SCN2A: variants seen among roughly 807,000 people sequenced by gnomAD.
The protein encoded by SCN2A is sodium voltage-gated channel alpha subunit 2.
SCN2A carries 20 observed loss-of-function variants against 188.7 expected under a neutral mutation model. That is an observed-to-expected ratio of 0.11 (90% CI 0.07 to 0.15). SCN2A has a LOEUF of 0.15. Ranked by LOEUF, SCN2A falls within the 10% of genes least tolerant of loss-of-function variation. The pLI, the probability that SCN2A is intolerant of heterozygous loss-of-function variation, is 1.00. For synonymous variants in SCN2A, 804 were observed against 833.1 expected, an observed-to-expected ratio of 0.97 and a Z score of 0.60; for missense variants, 1,278 against 2,445.0, an observed-to-expected ratio of 0.52 and a Z score of 10.07.
chr2:165,346,579 T>C (rs1186142116), intron 16 of SCN2A, among the ~76,000 whole-genome samples: 1 of 152,210 alleles, frequency 6.6e-6, no homozygotes, highest in South Asian at 2.1e-4. Context: ...CCAAAAGCAA[T>C]GGTAACAAAA....
chr2:165,293,720 A>G (rs1325358757), intron 1 of SCN2A: 3 of 451,460 alleles, frequency 6.6e-6, no homozygotes, highest in South Asian at 9.4e-5. Flanking sequence ...AATAAAAAGC[A>G]TGAGGAGAAG....
Position 165,391,043 on chromosome 2 carries a change from T to G in SCN2A, c.*1219T>G, listed in dbSNP as rs1702103385. On this transcript the variant is annotated 3_prime_UTR_variant, in exon 27 of 27. Coordinates refer to ENST00000375437, the MANE Select transcript of SCN2A (RefSeq NM_001040142.2). ...TAGTTTGCAAGCTTTCAACAGGTAA[T>G]ATGATGTAATTGGTTCCATTATAGT... 6.6e-6 allele frequency: 1 copy of G among 152,594 alleles called. No individual in the cohort carries two copies. The highest frequency in any genetic ancestry group is 2.4e-5 in the African/African-American group (1 of 41,464). 9.5% of individuals were successfully genotyped at this position (152,594 alleles called of 1,614,324 possible). A position where few individuals can be genotyped will look rare whatever the true frequency, so the allele number is the denominator to read the frequency against.
At chr2:165,347,064 C>T (rs1699628614) in intron 16 of SCN2A, among the ~76,000 whole-genome samples, 1 of 152,146 alleles carries the variant, frequency 6.6e-6, no homozygotes, top group Non-Finnish European at 1.5e-5. Flanking sequence ...ACCAGAAATA[C>T]CATTTGACCC....
chr2:165,277,259 CAT>C (rs1695390166), intron 1 of SCN2A, among the ~76,000 whole-genome samples: 1 of 152,024 alleles, frequency 6.6e-6, no homozygotes, highest in Admixed American at 6.6e-5. Context: ...TAAAAATACT[CAT>C]ATTTTTATGC....
intron 17 of SCN2A, among the ~76,000 whole-genome samples, chr2:165,355,769 TG>T (rs1434535017): frequency 6.6e-6 from 1 of 151,970 alleles, no homozygotes; most frequent in Non-Finnish European, 1.5e-5. Context: ...AGAACAAAGA[TG>T]GGTGGATCAC....
At chr2:165,279,632 C>T (rs569415641) in intron 1 of SCN2A, among the ~76,000 whole-genome samples, 1 of 151,910 alleles carries the variant, frequency 6.6e-6, no homozygotes, top group South Asian at 2.1e-4. Context: ...TTTAGAGTAA[C>T]CCAGTTAATT....
At position 165,323,212 on chromosome 2, in the gene SCN2A, C is replaced by G. The variant is rs1382196994; in HGVS notation, c.1728C>G (p.Ser576Arg). 1 of 1,614,074 alleles carries G rather than the reference C, an allele frequency of 6.2e-7. No individual in the cohort carries two copies. Among genetic ancestry groups the G allele is most frequent in the Non-Finnish European group, 8.5e-7 (1 of 1,180,048 alleles). Residue 576 changes from serine (S) to arginine (R), a missense_variant, in exon 12 of 27, where the codon AGC (serine) becomes AGG (arginine). Physicochemically the swap from Ser to Arg is moderately radical, Grantham distance 110. Transcript: ENST00000375437. ...CTCCAAGACGCAACAGTAGGGCGAG[C>G]CTTTTCAGCTTCAGAGGTCGAGCAA... ...LFSPRRNSRASLFSFRGRAKD... is the reference protein window; with the variant it reads ...LFSPRRNSRARLFSFRGRAKD...
intron 14 of SCN2A, among the ~76,000 whole-genome samples, chr2:165,339,922 G>T (rs1699217311): frequency 6.6e-6 from 1 of 152,130 alleles, no homozygotes; most frequent in African/African-American, 2.4e-5. Context: ...TACTAATCAA[G>T]AATCTACAGT....
rs1280608624 is a variant in SCN2A, at chr2:165,323,344, G to T, written c.1860G>T (p.Arg620=). ...TCGTGCCGCACAGACATGGAGAACG[G>T]CGCCACAGCAATGTCAGCCAGGCCA... ...SLFVPHRHGE[R]RHSNVSQASR... Residue 620 remains arginine, a synonymous_variant, in exon 12 of 27, where the codon CGG becomes CGT. Transcript: ENST00000375437. 1 of 1,614,034 alleles carries T rather than the reference G, an allele frequency of 6.2e-7. No individual in the cohort carries two copies. Among genetic ancestry groups the T allele is most frequent in the East Asian group, 2.2e-5 (1 of 44,878 alleles).
chr2:165,316,124 G>T (rs1431488818), intron 11 of SCN2A, among the ~76,000 whole-genome samples: 1 of 152,154 alleles, frequency 6.6e-6, no homozygotes, highest in Non-Finnish European at 1.5e-5. Flanking sequence ...CAAATTCCCA[G>T]AAGTGGACCA....
intron 1 of SCN2A, among the ~76,000 whole-genome samples, chr2:165,265,469 A>ATCTCTCTCTCTCTCTCTCTCTCTC (rs754966737): frequency 3.1e-5 from 2 of 65,268 alleles, no homozygotes; most frequent in African/African-American, 6.4e-5. Flanking sequence ...TACTCTGTTG[A>ATCTCTCTCTCTCTCTCTCTCTCTC]TCTATATATA....
chr2:165,243,706 C>A (rs996077521), intron 1 of SCN2A: 4 of 151,876 alleles, frequency 2.6e-5, no homozygotes, highest in African/African-American at 9.7e-5. Context: ...TTTCTTCTGG[C>A]AGTTACAGAA....
chr2:165,286,435 G>A (rs940871166), intron 1 of SCN2A, among the ~76,000 whole-genome samples: 5 of 152,180 alleles, frequency 3.3e-5, no homozygotes. Flanking sequence ...AGAGAATTTT[G>A]TAATAAGTTA....
intron 17 of SCN2A, among the ~76,000 whole-genome samples, chr2:165,364,860 T>G (rs1700641758): frequency 6.6e-6 from 1 of 152,200 alleles, no homozygotes; most frequent in African/African-American, 2.4e-5. Context: ...GCAGCTTACA[T>G]AAGCTTTCTG....
At chr2:165,309,483 A>T in intron 6 of SCN2A, 40 bp downstream of exon 6, 1 of 1,610,206 alleles carries the variant, frequency 6.2e-7, no homozygotes, top group Non-Finnish European at 8.5e-7. Flanking sequence ...CTTTAGCTAC[A>T]GTGGTGCTAC....
intron 3 of SCN2A, among the ~76,000 whole-genome samples, chr2:165,303,621 C>T (rs1696961954): frequency 1.3e-5 from 2 of 152,144 alleles, no homozygotes; most frequent in South Asian, 4.2e-4. Context: ...CAGTCACTCA[C>T]CAGAATCCAG....
At chr2:165,251,628 CT>C (rs1411285053) in intron 1 of SCN2A, among the ~76,000 whole-genome samples, 1 of 152,060 alleles carries the variant, frequency 6.6e-6, no homozygotes, top group Non-Finnish European at 1.5e-5. Context: ...CAAGTGGCCC[CT>C]ACTCCCTCTG....
intron 1 of SCN2A, among the ~76,000 whole-genome samples, chr2:165,257,785 C>T (rs957803457): frequency 1.3e-5 from 2 of 151,982 alleles, no homozygotes; most frequent in African/African-American, 4.8e-5. Flanking sequence ...TGATCCACCC[C>T]CCTCGGCCTT....
chr2:165,385,919 TACTA>T (rs1339397630), intron 25 of SCN2A, among the ~76,000 whole-genome samples: 4 of 152,182 alleles, frequency 2.6e-5, no homozygotes, highest in Admixed American at 2.0e-4. Flanking sequence ...GACAAATATT[TACTA>T]ACTGTCCGTC....
Sources: allele counts gnomAD v4.1 joint callset (sites outside exome capture counted in the v4.1 genomes callset), GRCh38; gene constraint gnomAD v4.1.1; transcripts MANE v1.5; gene names NCBI Gene and HGNC (gene_info 2026-07-23, HGNC 2026-07-21).